The following GPAA1 variants were observed in gnomAD, a reference collection of about 807,000 sequenced individuals.
The protein encoded by GPAA1 is GPI-anchor transamidase component GPAA1.
GPAA1 carries 54 observed loss-of-function variants against 64.0 expected under a neutral mutation model. That is an observed-to-expected ratio of 0.84 (90% CI 0.68 to 1.06). The LOEUF is 1.06. GPAA1 is among the 50% of genes least tolerant of loss of function. The probability of loss-of-function intolerance (pLI) is 0.00; values close to 1 mark genes in which losing one functional copy is unlikely to be tolerated. For missense variants in GPAA1, 780 were observed against 822.3 expected (o/e 0.95, Z 0.63); for synonymous variants, 393 against 377.3 (o/e 1.04, Z -0.48).
In GPAA1 at chr8:144,083,927, T is replaced by C; in HGVS notation, c.515-12T>C. ...TGCCCCAGACCCTGCTGATCCTGCT[T>C]CTGGCCTCCAGGGCAGATTTATTGG... is the stretch of plus-strand genomic sequence containing the variant. On this transcript the variant is annotated splice_polypyrimidine_tract_variant and intron_variant, in intron 4 of 11. Coordinates refer to ENST00000355091, the MANE Select transcript of GPAA1 (RefSeq NM_003801.4). 1 of 1,613,276 alleles carries C rather than the reference T, an allele frequency of 6.2e-7. No individual in the cohort carries two copies. Among genetic ancestry groups the C allele is most frequent in the Non-Finnish European group, 8.5e-7 (1 of 1,179,504 alleles).
intron 5 of GPAA1, 35 bp from the exon 6 acceptor site, chr8:144,084,099 G>T (rs782394111): frequency 1.9e-6 from 3 of 1,610,006 alleles, no homozygotes. Context: ...TCCTCACCAC[G>T]TCCTCCATTA....
Position 144,084,840 on chromosome 8 carries a change from G to A in GPAA1, c.1129G>A (p.Ala377Thr), listed in dbSNP as rs782414741. The A allele has an allele frequency of 2.8e-5, 45 of 1,613,496 alleles. No individual in the cohort carries two copies. Among genetic ancestry groups the A allele is most frequent in the African/African-American group, 2.7e-4 (20 of 75,026 alleles). Residue 377 changes from alanine (A) to threonine (T), a missense_variant, in exon 8 of 12, where the codon GCT (alanine) becomes ACT (threonine). Coordinates refer to ENST00000355091, the MANE Select transcript of GPAA1 (RefSeq NM_003801.4). ...RFVSIGLYMP[A>T]VGFLLLVLGL... ...CGTCTCCATCGGCCTCTACATGCCCGCTGTCGGCTTCTTGCTCCTGGTCCT... is the reference window on the plus strand; with the variant it reads ...CGTCTCCATCGGCCTCTACATGCCCACTGTCGGCTTCTTGCTCCTGGTCCT...
chr8:144,084,969 T>C, intron 8 of GPAA1, 74 bp from the exon 9 acceptor site: 1 of 1,559,320 alleles, frequency 6.4e-7, no homozygotes, highest in Non-Finnish European at 8.8e-7. Context: ...GGGGGTGGGG[T>C]ACGGGGGTGA....
chr8:144,084,485 C>G lies in GPAA1; in HGVS notation c.886C>G (p.Arg296Gly). Reference protein sequence around the residue: ...GLQTLLLMVLRQASGRPHGSH... With the variant: ...GLQTLLLMVLGQASGRPHGSH... The stretch of plus-strand genomic sequence containing the variant: ...GCAGACACTGCTGCTCATGGTTCTG[C>G]GGCAGGCCTCCGGCCGCCCCCACGG... The change falls in exon 7 of 12, where the codon CGG becomes GGG. Residue 296 changes from arginine to glycine, a missense_variant. Arg to Gly is a moderately radical substitution (Grantham distance 125, BLOSUM62 -2). Coordinates refer to ENST00000355091, the MANE Select transcript of GPAA1 (RefSeq NM_003801.4). The G allele has an allele frequency of 6.2e-7, 1 of 1,613,270 alleles. No individual in the cohort carries two copies. Among genetic ancestry groups the G allele is most frequent in the African/African-American group, 1.3e-5 (1 of 75,066 alleles).
rs782808889 is a variant in GPAA1, at chr8:144,083,870, C to G, written c.514+9C>G. ...GGCTGCCCACTTCCGGGGTGAGTCT[C>G]AGGGCTGCTGGCCGTGGAGGGGTTT... On this transcript the variant is annotated intron_variant, in intron 4 of 11. Coordinates refer to ENST00000355091, the MANE Select transcript of GPAA1 (RefSeq NM_003801.4). 8 of 1,613,244 alleles carry G rather than the reference C, an allele frequency of 5.0e-6. No homozygotes were observed. Among genetic ancestry groups the G allele is most frequent in the Admixed American group, 3.3e-5 (2 of 60,010 alleles).
At position 144,082,786 on chromosome 8, in the gene GPAA1, G is replaced by T. The variant is rs1399904207; in HGVS notation, c.56G>T (p.Arg19Leu). ...RRRALARLVL[R>L]LNAPLCVLSY... ...CGCGCGCTCGCCCGCCTAGTGCTGCGCCTCAACGCGCCGTTGTGGTGAGGA... is the reference window on the plus strand; with the variant it reads ...CGCGCGCTCGCCCGCCTAGTGCTGCTCCTCAACGCGCCGTTGTGGTGAGGA... The change falls in exon 1 of 12, where the codon CGC becomes CTC. Residue 19 changes from arginine (R) to leucine (L), a missense_variant. Arg to Leu is a moderately radical substitution (Grantham distance 102). Coordinates refer to ENST00000355091, the MANE Select transcript of GPAA1 (RefSeq NM_003801.4). The T allele has an allele frequency of 1.4e-6, 2 of 1,465,482 alleles. No homozygotes were observed. The highest frequency in any genetic ancestry group is 1.5e-5 in the African/African-American group (1 of 68,100). The allele number at this position is 1,465,482 out of a possible 1,614,324, so 90.8% of individuals were successfully genotyped here. A position where few individuals can be genotyped will look rare whatever the true frequency, so the allele number is the denominator to read the frequency against.
At chr8:144,082,833 C>A in intron 1 of GPAA1, 29 bp downstream of exon 1, 2 of 1,370,446 alleles carry the variant, frequency 1.5e-6, no homozygotes, top group Middle Eastern at 2.6e-4. Context: ...GAGGCGGGGA[C>A]CCGAGGGCCC....
intron 1 of GPAA1, 157 bp downstream of exon 1, chr8:144,082,961 G>A (rs1564303840): frequency 2.3e-6 from 2 of 875,460 alleles, no homozygotes; most frequent in South Asian, 1.8e-5. Flanking sequence ...AGCACTGAGG[G>A]TATCAGGCCC....
In GPAA1 at chr8:144,084,231, C is replaced by T. The variant is rs370752627; in HGVS notation, c.714C>T (p.Ala238=). Residue 238 remains alanine, a synonymous_variant, in exon 6 of 12, where the codon GCC becomes GCT. Coordinates refer to ENST00000355091, the MANE Select transcript of GPAA1 (RefSeq NM_003801.4). The part of the protein sequence containing the change: ...SSDVVTSLDV[A]VEGLNGQLPN... ...ATGTGGTCACCAGCCTCGATGTGGC[C>T]GTGGAGGGGCTTAACGGGCAGCTGC... 81 of 1,613,652 alleles carry T rather than the reference C, an allele frequency of 5.0e-5. No homozygotes were observed. Among genetic ancestry groups the T allele is most frequent in the Non-Finnish European group, 6.3e-5 (74 of 1,179,988 alleles).
intron 5 of GPAA1, 31 bp downstream of exon 5, chr8:144,084,071 C>G (rs1419428261): frequency 1.9e-6 from 3 of 1,605,772 alleles, no homozygotes; most frequent in Non-Finnish European, 2.6e-6. Flanking sequence ...TGCCCTGGTC[C>G]CCCTCTCAGG....
rs1285508039 is a variant in GPAA1, at chr8:144,085,762, C to T, written c.1622+19C>T. 6.2e-7 allele frequency: 1 copy of T among 1,609,918 alleles called. No individual in the cohort carries two copies. The highest frequency in any genetic ancestry group is 1.3e-5 in the African/African-American group (1 of 74,916). The stretch of plus-strand genomic sequence containing the variant: ...GGCCCCGGTATGTATGGATCAGCCC[C>T]ACTTCCCCCAATGCCTGTGCCCTCA... On this transcript the variant is annotated intron_variant, in intron 11 of 11. Transcript: ENST00000355091.
In GPAA1 at chr8:144,085,397, C is replaced by T. The variant is rs1554764214; in HGVS notation, c.1369C>T (p.Pro457Ser). 1.2e-6 allele frequency: 2 copies of T among 1,607,218 alleles called. No homozygotes were observed. Among genetic ancestry groups the T allele is most frequent in the African/African-American group, 1.3e-5 (1 of 74,942 alleles). Residue 457 changes from proline to serine, a missense_variant, in exon 10 of 12, where the codon CCA becomes TCA. Pro to Ser is a moderately conservative substitution (Grantham distance 74). Transcript: ENST00000355091. ...LGQHVATQHF[P>S]VAEAEAVVLT... The stretch of plus-strand genomic sequence containing the variant: ...CCAACACGTTGCCACCCAGCACTTC[C>T]CAGTGGCAGAGGCTGAGGCTGTGGT...
intron 11 of GPAA1, 28 bp downstream of exon 11, chr8:144,085,771 C>T (rs1554764296): frequency 1.2e-6 from 2 of 1,608,968 alleles, no homozygotes; most frequent in Non-Finnish European, 1.7e-6. Flanking sequence ...CCACTTCCCC[C>T]AATGCCTGTG....
Position 144,082,681 on chromosome 8 carries a change from C to A in GPAA1, c.-50C>A. The A allele has an allele frequency of 7.5e-7, 1 of 1,340,262 alleles. No individual in the cohort carries two copies. The highest frequency in any genetic ancestry group is 9.8e-7 in the Non-Finnish European group (1 of 1,021,486). The allele number at this position is 1,340,262 out of a possible 1,614,324, so 83.0% of individuals were successfully genotyped here. On this transcript the variant is annotated 5_prime_UTR_variant, in exon 1 of 12. Coordinates refer to ENST00000355091, the MANE Select transcript of GPAA1 (RefSeq NM_003801.4). ...CAGGAGCAGCCTGTGGGCACCGCGG[C>A]GGTAGTTGGAGGCGGGAGAGGGTCC...
At position 144,085,652 on chromosome 8, in the gene GPAA1, G is replaced by A; in HGVS notation, c.1531G>A (p.Gly511Ser). 6.2e-7 allele frequency: 1 copy of A among 1,613,370 alleles called. No individual in the cohort carries two copies. The highest frequency in any genetic ancestry group is 8.5e-7 in the Non-Finnish European group (1 of 1,179,510). Reference sequence around the variant, plus strand: ...CCTGATCTACCTAGCACTGCAGCTGGGCTGCATCGCCCTCACCAACTTCTC... The same window carrying A: ...CCTGATCTACCTAGCACTGCAGCTGAGCTGCATCGCCCTCACCAACTTCTC... ...VALIYLALQL[G>S]CIALTNFSLG... Residue 511 changes from glycine (G) to serine (S), a missense_variant, in exon 11 of 12, where the codon GGC (glycine) becomes AGC (serine). Transcript: ENST00000355091.
rs1835930602 is a variant in GPAA1, at chr8:144,082,803, T to C, written c.73T>C (p.Cys25Arg). The change falls in exon 1 of 12, where the codon TGC becomes CGC. Residue 25 changes from cysteine (C) to arginine (R), a missense_variant and splice_region_variant. Cys to Arg is a radical substitution (Grantham distance 180). Coordinates refer to ENST00000355091, the MANE Select transcript of GPAA1 (RefSeq NM_003801.4). The stretch of plus-strand genomic sequence containing the variant: ...AGTGCTGCGCCTCAACGCGCCGTTG[T>C]GGTGAGGACAGGGCCCGGGGAGGCG... The part of the protein sequence containing the change: ...RLVLRLNAPL[C>R]VLSYVAGIAW... 3 of 1,459,144 alleles carry C rather than the reference T, an allele frequency of 2.1e-6. No homozygotes were observed. The highest frequency in any genetic ancestry group is 2.9e-5 in the African/African-American group (2 of 67,866). 90.4% of individuals were successfully genotyped at this position (1,459,144 alleles called of 1,614,324 possible).
rs1306331585 is a variant in GPAA1, at chr8:144,085,993, G to T, written c.1734G>T (p.Trp578Cys). The change falls in exon 12 of 12, where the codon TGG becomes TGT. Residue 578 changes from tryptophan (W) to cysteine (C), a missense_variant. Physicochemically the swap from Trp to Cys is radical, Grantham distance 215. Coordinates refer to ENST00000355091, the MANE Select transcript of GPAA1 (RefSeq NM_003801.4). ...CGCCACTGTCACTGGCCGAGGGCTGGCAGCTCTTCCTGGCAGCGCTAGCCC... is the reference window on the plus strand; with the variant it reads ...CGCCACTGTCACTGGCCGAGGGCTGTCAGCTCTTCCTGGCAGCGCTAGCCC... ...QEAPLSLAEG[W>C]QLFLAALAQG... 1.2e-6 allele frequency: 2 copies of T among 1,609,176 alleles called. No individual in the cohort carries two copies. Among genetic ancestry groups the T allele is most frequent in the African/African-American group, 1.3e-5 (1 of 74,924 alleles).
intron 8 of GPAA1, 28 bp downstream of exon 8, chr8:144,084,903 G>T: frequency 6.2e-7 from 1 of 1,611,860 alleles, no homozygotes; most frequent in East Asian, 2.2e-5. Flanking sequence ...CCATCTACCT[G>T]TGACCAGCCT....
rs1835992896 is a variant in GPAA1, at chr8:144,086,149, A to G, written c.*24A>G. The stretch of plus-strand genomic sequence containing the variant: ...GAGATCTGCCTGTCCGGGCTGGGAC[A>G]GAGACTCCCCAAGGACCCCATTCTG... On this transcript the variant is annotated 3_prime_UTR_variant, in exon 12 of 12. Coordinates refer to ENST00000355091, the MANE Select transcript of GPAA1 (RefSeq NM_003801.4). The G allele has an allele frequency of 6.2e-7, 1 of 1,603,498 alleles. No homozygotes were observed. The highest frequency in any genetic ancestry group is 1.3e-5 in the African/African-American group (1 of 74,932).
Sources: gnomAD v4.1 joint callset for allele counts on GRCh38, gnomAD v4.1.1 for gene constraint, MANE v1.5 for transcripts, NCBI Gene and HGNC (gene_info 2026-07-23, HGNC 2026-07-21) for gene names.